LRFN5: variants seen among roughly 807,000 people sequenced by gnomAD.
The protein encoded by LRFN5 is leucine rich repeat and fibronectin type III domain containing 5.
LRFN5 carries 24 observed loss-of-function variants against 45.6 expected under a neutral mutation model. The observed-to-expected ratio is 0.53, with a 90% CI of 0.38 to 0.74. The LOEUF (loss-of-function observed/expected upper bound fraction) is 0.74. Among genes scored for constraint, LRFN5 ranks in the 30% least tolerant of loss-of-function variants. LRFN5 has a pLI of 0.00. For synonymous variants in LRFN5, 340 were observed against 313.8 expected (o/e 1.08, Z -0.88); for missense variants, 776 against 861.5 (o/e 0.90, Z 1.24).
At chr14:41,895,269 A>C (rs1196830435) in intron 4 of LRFN5, among the ~76,000 whole-genome samples, 1 of 152,204 alleles carries the variant, frequency 6.6e-6, no homozygotes, top group African/African-American at 2.4e-5. Context: ...AGTTTGATGG[A>C]TATTATTTAT....
In LRFN5 at chr14:41,641,112, GATAAACCCCTCCTA is replaced by G. The variant is rs540500744; in HGVS notation, c.-197+32553_-197+32566del. Among the ~76,000 whole-genome samples the G allele has an allele frequency of 5.3e-5, 8 of 152,222 alleles. No individual in the cohort carries two copies. The East Asian group carries it at 1.4e-3, about 26-fold the overall frequency. On this transcript the variant is annotated intron_variant, in intron 1 of 5. Transcript: ENST00000298119. ...GTGCAAATTACATGAACTGTGGGCA[GATAAACCCCTCCTA>G]ATGTAAAACCACAGCACAGTAACTT...
intron 1 of LRFN5, among the ~76,000 whole-genome samples, chr14:41,758,260 A>T (rs1885500151): frequency 6.6e-6 from 1 of 152,322 alleles, no homozygotes; most frequent in African/African-American, 2.4e-5. Flanking sequence ...ACATATTTCA[A>T]TATGACTATT....
At chr14:41,613,660 A>G (rs992628318) in intron 1 of LRFN5, among the ~76,000 whole-genome samples, 1 of 152,060 alleles carries the variant, frequency 6.6e-6, no homozygotes, top group African/African-American at 2.4e-5. Flanking sequence ...GAAAAGAAGT[A>G]ATACAATAAA....
chr14:41,637,361 A>G lies in LRFN5; in HGVS notation c.-197+28799A>G, dbSNP rs374377329. Among the ~76,000 whole-genome samples the G allele has an allele frequency of 3.3e-5, 5 of 152,288 alleles. No individual in the cohort carries two copies. In the East Asian group the frequency reaches 9.7e-4, roughly 29 times the overall value. The stretch of plus-strand genomic sequence containing the variant: ...ATCATTTTAATTTAGTGATTTAAGC[A>G]AATTAAAACTATTAGAATCAAGGGA... On this transcript the variant is annotated intron_variant, in intron 1 of 5. Transcript: ENST00000298119.
chr14:41,772,415 G>A (rs2138895011), intron 2 of LRFN5, among the ~76,000 whole-genome samples: 1 of 152,144 alleles, frequency 6.6e-6, no homozygotes. Context: ...AAAACATACA[G>A]ATACAAAATA....
At chr14:41,728,224 T>C (rs1241801437) in intron 1 of LRFN5, among the ~76,000 whole-genome samples, 1 of 152,098 alleles carries the variant, frequency 6.6e-6, no homozygotes, top group Non-Finnish European at 1.5e-5. Flanking sequence ...CAAACAAATT[T>C]AGTTGGTGTT....
Position 41,891,959 on chromosome 14 carries a change from C to G in LRFN5, c.2095C>G (p.Pro699Ala). The G allele has an allele frequency of 6.2e-7, 1 of 1,610,884 alleles. No individual in the cohort carries two copies. Among genetic ancestry groups the G allele is most frequent in the South Asian group, 1.1e-5 (1 of 90,444 alleles). The change falls in exon 4 of 6, where the codon CCA becomes GCA. Residue 699 changes from proline (P) to alanine (A), a missense_variant. Physicochemically the swap from Pro to Ala is conservative, Grantham distance 27. Around this residue, in one of 2 missense-constraint regions of LRFN5, gnomAD observed 465 missense variants for 456.4 expected, o/e 1.02. Transcript: ENST00000298119. ...CACGTCTAAAAGAGCACATATAAAG[C>G]CAAGTAAGTTTATCACTTTGCCTGC... ...GPTSKRAHIK[P>A]NALLTNVDQI...
Position 41,891,880 on chromosome 14 carries a change from C to T in LRFN5, c.2016C>T (p.Asn672=). Residue 672 remains asparagine (N), a synonymous_variant, in exon 4 of 6, where the codon AAC becomes AAT. Transcript: ENST00000298119. ...AATCCCAAAACACTAACAGGAACAACTCAACTGCCTTGCAGTTAGCTAGCC... is the reference window on the plus strand; with the variant it reads ...AATCCCAAAACACTAACAGGAACAATTCAACTGCCTTGCAGTTAGCTAGCC... ...NVESQNTNRN[N]STALQLASRP... 1 of 1,614,200 alleles carries T rather than the reference C, an allele frequency of 6.2e-7. No homozygotes were observed. The highest frequency in any genetic ancestry group is 8.5e-7 in the Non-Finnish European group (1 of 1,180,034).
intron 1 of LRFN5, among the ~76,000 whole-genome samples, chr14:41,725,125 C>T (rs1002779255): frequency 2.6e-5 from 4 of 152,144 alleles, no homozygotes; most frequent in Admixed American, 2.0e-4. Flanking sequence ...CATCGCCTTA[C>T]ATTAATTCTC....
intron 1 of LRFN5, among the ~76,000 whole-genome samples, chr14:41,711,621 C>G (rs574946055): frequency 1.0e-3 from 158 of 152,232 alleles, no homozygotes; most frequent in African/African-American, 3.6e-3. Flanking sequence ...TTAATGTAGT[C>G]CCAGGTTTGT....
At chr14:41,856,512 T>C (rs958132810) in intron 2 of LRFN5, among the ~76,000 whole-genome samples, 12 of 151,862 alleles carry the variant, frequency 7.9e-5, no homozygotes, top group African/African-American at 1.9e-4. Context: ...AAAAAACTTA[T>C]GGGGTGTGTT....
intron 1 of LRFN5, among the ~76,000 whole-genome samples, chr14:41,671,616 C>CTTTTTTTTTTTTTTT (rs1566613142): frequency 5.4e-5 from 2 of 37,214 alleles, no homozygotes; most frequent in African/African-American, 1.9e-4. Flanking sequence ...TTTTTTTTTT[C>CTTTTTTTTTTTTTTT]GTTTTTTTTT....
rs1891192588 is a variant in LRFN5 at position 41,904,371 on chromosome 14, A to C, written c.*196A>C. 1 of 538,862 alleles carries C rather than the reference A, an allele frequency of 1.9e-6. No homozygotes were observed. Among genetic ancestry groups the C allele is most frequent in the Admixed American group, 3.7e-5 (1 of 26,840 alleles). The allele number at this position is 538,862 out of a possible 1,614,324, so 33.4% of individuals were successfully genotyped here. A position where few individuals can be genotyped will look rare whatever the true frequency, so the allele number is the denominator to read the frequency against. On this transcript the variant is annotated 3_prime_UTR_variant, in exon 6 of 6. Transcript: ENST00000298119. ...TTAGACCATGGTTCATCCTCTTTTA[A>C]AACCAAATTTTTTTTTCTTCTGGCC... is the stretch of plus-strand genomic sequence containing the variant.
chr14:41,825,589 G>C (rs2053056672), intron 2 of LRFN5, among the ~76,000 whole-genome samples: 1 of 152,166 alleles, frequency 6.6e-6, no homozygotes. Flanking sequence ...CTTGGCTCTC[G>C]TTGGCCCTTT....
chr14:41,692,813 C>T (rs570746075), intron 1 of LRFN5, among the ~76,000 whole-genome samples: 39 of 152,102 alleles, frequency 2.6e-4, no homozygotes, highest in African/African-American at 9.4e-4. Flanking sequence ...TTGTCTATTT[C>T]TAAAATGGCA....
At chr14:41,825,082 A>G (rs1888247520) in intron 2 of LRFN5, among the ~76,000 whole-genome samples, 1 of 152,210 alleles carries the variant, frequency 6.6e-6, no homozygotes, top group Non-Finnish European at 1.5e-5. Flanking sequence ...TTAGCCCAGA[A>G]CAGATAGCTC....
At chr14:41,826,630 G>T (rs1888304638) in intron 2 of LRFN5, among the ~76,000 whole-genome samples, 2 of 152,000 alleles carry the variant, frequency 1.3e-5, no homozygotes, top group African/African-American at 4.8e-5. Flanking sequence ...TGTCATTATT[G>T]TAGGTTTATT....
chr14:41,789,431 G>T (rs1886841066), intron 2 of LRFN5, among the ~76,000 whole-genome samples: 1 of 151,984 alleles, frequency 6.6e-6, no homozygotes, highest in African/African-American at 2.4e-5. Context: ...GATATCGCTT[G>T]ATATTCACTT....
intron 1 of LRFN5, among the ~76,000 whole-genome samples, chr14:41,690,177 A>G (rs1235177337): frequency 6.6e-6 from 1 of 152,062 alleles, no homozygotes; most frequent in African/African-American, 2.4e-5. Flanking sequence ...GTACTTCATA[A>G]CCAAGTCCTA....
Sources: gnomAD v4.1 joint callset for allele counts (sites outside exome capture counted in the v4.1 genomes callset) on GRCh38, gnomAD v4.1.1 for gene constraint, gnomAD v4.1.1 regional missense constraint, MANE v1.5 for transcripts, NCBI Gene and HGNC (gene_info 2026-07-23, HGNC 2026-07-21) for gene names.